Variants in LRFN5 observed in about 807,000 individuals in gnomAD.
The protein encoded by LRFN5 is leucine-rich repeat and fibronectin type-III domain-containing protein 5.
A neutral mutation model predicts 45.6 loss-of-function variants in LRFN5; 24 were observed. The ratio of observed to expected loss-of-function variants is 0.53; its 90% CI spans 0.38 to 0.74. The LOEUF (loss-of-function observed/expected upper bound fraction) is 0.74. Ranked by LOEUF, LRFN5 falls within the 30% of genes least tolerant of loss-of-function variation. The pLI is 0.00. For synonymous variants in LRFN5, 340 were observed against 313.8 expected (o/e 1.08, Z -0.88); for missense variants, 776 against 861.5 (o/e 0.90, Z 1.24).
chr14:41,845,300 A>G (rs1329447993), intron 2 of LRFN5, among the ~76,000 whole-genome samples: 4 of 152,140 alleles, frequency 2.6e-5, no homozygotes, highest in Non-Finnish European at 4.4e-5. Context: ...CAGCATGTAT[A>G]GTCTTTTATT....
intron 2 of LRFN5, among the ~76,000 whole-genome samples, chr14:41,832,465 CT>C (rs1205449305): frequency 6.6e-6 from 1 of 152,088 alleles, no homozygotes; most frequent in African/African-American, 2.4e-5. Flanking sequence ...TGTTGTGCCC[CT>C]AAGTGGAAAT....
At chr14:41,704,258 A>C (rs972793552) in intron 1 of LRFN5, among the ~76,000 whole-genome samples, 3 of 152,112 alleles carry the variant, frequency 2.0e-5, no homozygotes, top group Middle Eastern at 3.2e-3. Context: ...GGAATTATTT[A>C]TAACTTCCAG....
At chr14:41,894,359 A>G (rs1362015066) in intron 4 of LRFN5, 1 of 859,820 alleles carries the variant, frequency 1.2e-6, no homozygotes, top group African/African-American at 1.8e-5. Context: ...ATATTTAATC[A>G]TATGAGATTT....
intron 1 of LRFN5, among the ~76,000 whole-genome samples, chr14:41,610,725 CAG>C (rs1276592122): frequency 1.8e-5 from 2 of 110,114 alleles, no homozygotes; most frequent in African/African-American, 7.1e-5. Flanking sequence ...TGAAAGGTAA[CAG>C]ATAATTGGGA....
intron 1 of LRFN5, among the ~76,000 whole-genome samples, chr14:41,702,061 T>C (rs1225905716): frequency 2.0e-5 from 3 of 152,140 alleles, no homozygotes; most frequent in South Asian, 2.1e-4. Context: ...GGACTAAGCA[T>C]AGGACTTATT....
chr14:41,790,201 TA>T (rs1451093570), intron 2 of LRFN5, among the ~76,000 whole-genome samples: 1 of 152,008 alleles, frequency 6.6e-6, no homozygotes, highest in Non-Finnish European at 1.5e-5. Context: ...ACTTTAAAGC[TA>T]AATTTTAAAA....
intron 1 of LRFN5, among the ~76,000 whole-genome samples, chr14:41,693,502 C>T (rs1417103903): frequency 5.3e-5 from 8 of 151,846 alleles, no homozygotes; most frequent in Middle Eastern, 3.4e-3. Context: ...ATGTTTTGGA[C>T]GTTTGAATGT....
chr14:41,862,338 C>T (rs1889693612), intron 2 of LRFN5, among the ~76,000 whole-genome samples: 2 of 152,056 alleles, frequency 1.3e-5, no homozygotes, highest in South Asian at 2.1e-4. Flanking sequence ...TCACCCAGTA[C>T]TTTATGTGAT....
chr14:41,666,967 T>G (rs1005674021), intron 1 of LRFN5, among the ~76,000 whole-genome samples: 11 of 152,182 alleles, frequency 7.2e-5, no homozygotes, highest in Admixed American at 2.0e-4. Context: ...TACAACGTTA[T>G]AGAGTTTTGT....
At chr14:41,747,311 AT>A (rs1322077928) in intron 1 of LRFN5, among the ~76,000 whole-genome samples, 2 of 147,438 alleles carry the variant, frequency 1.4e-5, no homozygotes, top group African/African-American at 2.5e-5. Flanking sequence ...TAATCAAAGG[AT>A]TTTGGTACTG....
At chr14:41,760,898 G>C (rs1048426188) in intron 1 of LRFN5, among the ~76,000 whole-genome samples, 3 of 152,192 alleles carry the variant, frequency 2.0e-5, no homozygotes, top group Middle Eastern at 3.4e-3. Flanking sequence ...ACGGAGATTT[G>C]CTATTATCCA....
At chr14:41,648,773 T>G (rs1250279017) in intron 1 of LRFN5, among the ~76,000 whole-genome samples, 2 of 150,644 alleles carry the variant, frequency 1.3e-5, no homozygotes, top group South Asian at 2.1e-4. Context: ...TCCACTTTTG[T>G]TTTTTTTTGG....
chr14:41,620,085 T>C (rs1888067674), intron 1 of LRFN5, among the ~76,000 whole-genome samples: 1 of 152,152 alleles, frequency 6.6e-6, no homozygotes, highest in South Asian at 2.1e-4. Flanking sequence ...TTGGCCTTAG[T>C]AGATTGTCAG....
At chr14:41,777,247 T>A (rs961287319) in intron 2 of LRFN5, among the ~76,000 whole-genome samples, 5 of 151,772 alleles carry the variant, frequency 3.3e-5, no homozygotes, top group Non-Finnish European at 5.9e-5. Context: ...TGTTGTAAAT[T>A]TTATTGGAGT....
chr14:41,633,830 A>G (rs533598071), intron 1 of LRFN5, among the ~76,000 whole-genome samples: 21 of 152,120 alleles, frequency 1.4e-4, no homozygotes, highest in African/African-American at 5.1e-4. Flanking sequence ...AATAGACCCT[A>G]TCTTCCTCAT....
In LRFN5 at chr14:41,887,052, T is replaced by C. The variant is rs1292010115; in HGVS notation, c.427T>C (p.Phe143Leu). ...GCTGACTTTAATTTCCTCTACAGCG[T>C]TTGATGATGTCTTCGCCCTTGAGGA... Reference protein sequence around the residue: ...NQLTLISSTAFDDVFALEELD... With the variant: ...NQLTLISSTALDDVFALEELD... Residue 143 changes from phenylalanine (F) to leucine (L), a missense_variant, in exon 3 of 6, where the codon TTT becomes CTT. This residue lies in a region of LRFN5 where 311 missense variants were observed against 405.1 expected (regional missense o/e 0.77). Coordinates refer to ENST00000298119, the MANE Select transcript of LRFN5 (RefSeq NM_152447.5). This position sits in a 1 kb window ranked among gnomAD's most constrained non-coding sequence, Gnocchi z 4.8. 1 of 1,614,154 alleles carries C rather than the reference T, an allele frequency of 6.2e-7. No homozygotes were observed. Among genetic ancestry groups the C allele is most frequent in the Non-Finnish European group, 8.5e-7 (1 of 1,180,032 alleles).
intron 2 of LRFN5, among the ~76,000 whole-genome samples, chr14:41,821,547 A>C (rs2139013749): frequency 6.6e-6 from 1 of 151,920 alleles, no homozygotes. Flanking sequence ...TCTGTTCAGA[A>C]TTTTTGTGCC....
intron 1 of LRFN5, among the ~76,000 whole-genome samples, chr14:41,614,474 C>A (rs1289306386): frequency 1.3e-5 from 2 of 152,014 alleles, no homozygotes; most frequent in Non-Finnish European, 2.9e-5. Context: ...ACCTCAATAA[C>A]TTATTTTCTT....
At chr14:41,785,031 C>T (rs1194902986) in intron 2 of LRFN5, among the ~76,000 whole-genome samples, 3 of 152,094 alleles carry the variant, frequency 2.0e-5, no homozygotes, top group Non-Finnish European at 2.9e-5. Flanking sequence ...CCTGAAAATA[C>T]TCATTCTTCT....
Sources: gnomAD v4.1 joint callset for allele counts (sites outside exome capture counted in the v4.1 genomes callset) on GRCh38, gnomAD v4.1.1 for gene constraint, gnomAD v4.1.1 regional missense constraint, Gnocchi (gnomAD v3.1) non-coding constraint, MANE v1.5 for transcripts, NCBI Gene and HGNC (gene_info 2026-07-23, HGNC 2026-07-21) for gene names.